The following DNAH1 variants were observed in gnomAD, a reference collection of about 807,000 sequenced individuals.
The protein encoded by DNAH1 is dynein axonemal heavy chain 1.
A neutral mutation model predicts 484.3 loss-of-function variants in DNAH1; 327 were observed. That is an observed-to-expected ratio of 0.68 (90% CI 0.62 to 0.74). The LOEUF is 0.74. Ranked by LOEUF, DNAH1 falls within the 30% of genes least tolerant of loss-of-function variation. The probability of loss-of-function intolerance (pLI) is 0.00; values close to 1 mark genes in which losing one functional copy is unlikely to be tolerated. For missense variants in DNAH1, 5,052 were observed against 5,546.8 expected (o/e 0.91, Z 2.83); for synonymous variants, 2,192 against 2,191.9 (o/e 1.00, Z 0.00).
intron 8 of DNAH1, among the ~76,000 whole-genome samples, chr3:52,342,317 G>A (rs910622668): frequency 1.3e-5 from 2 of 152,260 alleles, no homozygotes; most frequent in African/African-American, 4.8e-5. Flanking sequence ...GTGAGCAGAG[G>A]AGTGGCTTGA....
At position 52,385,880 on chromosome 3, in the gene DNAH1, G is replaced by A. The variant is rs186774372; in HGVS notation, c.8626-280G>A. ...GAAAGAAGCTAGAAGAAAGGCAGGA[G>A]GAGGGTCTTTCTCTGTCTTGCATGA... On this transcript the variant is annotated intron_variant, in intron 54 of 77. Coordinates refer to ENST00000420323, the MANE Select transcript of DNAH1 (RefSeq NM_015512.5). Among the ~76,000 whole-genome samples the A allele has an allele frequency of 3.7e-4, 56 of 152,384 alleles. 1 individual carries two copies. The East Asian group carries it at 0.01, about 27-fold the overall frequency.
chr3:52,346,730 G>T lies in DNAH1; in HGVS notation c.1915G>T (p.Asp639Tyr). The T allele has an allele frequency of 6.2e-7, 1 of 1,613,276 alleles. No homozygotes were observed. The highest frequency in any genetic ancestry group is 8.5e-7 in the Non-Finnish European group (1 of 1,179,306). ...TCCSVLNCTD[D>Y]MVWGDDLINS... ...TTGCAGCGTGCTCAACTGCACCGAT[G>T]ACATGGTCTGGGGTGACGACTTAAT... The change falls in exon 11 of 78, where the codon GAC becomes TAC. Residue 639 changes from aspartate to tyrosine, a missense_variant. Physicochemically the swap from Asp to Tyr is radical, Grantham distance 160 (BLOSUM62 -3). Coordinates refer to ENST00000420323, the MANE Select transcript of DNAH1 (RefSeq NM_015512.5).
intron 8 of DNAH1, among the ~76,000 whole-genome samples, chr3:52,338,938 G>T (rs1208631036): frequency 1.3e-5 from 2 of 151,656 alleles, no homozygotes; most frequent in Non-Finnish European, 1.5e-5. Flanking sequence ...GGAGGCTGAG[G>T]CAGGAGAATT....
intron 8 of DNAH1, among the ~76,000 whole-genome samples, chr3:52,338,788 G>C (rs1701823678): frequency 6.6e-6 from 1 of 151,986 alleles, no homozygotes. Context: ...CACTTTGGGA[G>C]GCTGAGGTGG....
Position 52,327,965 on chromosome 3 carries a change from A to G in DNAH1, c.822A>G (p.Lys274=), listed in dbSNP as rs960048495. 1.2e-6 allele frequency: 2 copies of G among 1,613,814 alleles called. No individual in the cohort carries two copies. The highest frequency in any genetic ancestry group is 8.5e-7 in the Non-Finnish European group (1 of 1,179,798). Residue 274 remains lysine, a synonymous_variant, in exon 6 of 78, where the codon AAA becomes AAG. Transcript: ENST00000420323. ...TGGAGCCAGGGTCTCTGGACAGGAA[A>G]CCTGTCCCGGGAAAAGCCCTCTTGC... ...MGLEPGSLDR[K]PVPGKALLPT...
rs1703542623 is a variant in DNAH1 at position 52,375,327 on chromosome 3, T to C, written c.7073T>C (p.Met2358Thr). ...GGRNTVTPRL[M>T]RHFNYLSFAE... ...AGGAACACCGTCACCCCGCGGCTGATGCGTCACTTCAACTACCTGTCTTTC... is the reference window on the plus strand; with the variant it reads ...AGGAACACCGTCACCCCGCGGCTGACGCGTCACTTCAACTACCTGTCTTTC... Residue 2358 changes from methionine (M) to threonine (T), a missense_variant, in exon 45 of 78, where the codon ATG (methionine) becomes ACG (threonine). Coordinates refer to ENST00000420323, the MANE Select transcript of DNAH1 (RefSeq NM_015512.5). 6.2e-7 allele frequency: 1 copy of C among 1,613,456 alleles called. No individual in the cohort carries two copies. Among genetic ancestry groups the C allele is most frequent in the South Asian group, 1.1e-5 (1 of 90,884 alleles).
Position 52,319,180 on chromosome 3 carries a change from G to A in DNAH1, c.-35+2635G>A, listed in dbSNP as rs755687. ...TAAATTGGCAATAATAGTAGTATCT[G>A]CTGTGAGGTTGGAATACCCCTATTC... On this transcript the variant is annotated intron_variant, in intron 1 of 77. Coordinates refer to ENST00000420323, the MANE Select transcript of DNAH1 (RefSeq NM_015512.5). 1.4e-3 allele frequency among the ~76,000 whole-genome samples: 220 copies of A among 152,328 alleles called. No individual in the cohort carries two copies. In the East Asian group the frequency reaches 0.017, roughly 12 times the overall value.
upstream of DNAH1, among the ~76,000 whole-genome samples, chr3:52,315,727 C>A (rs1445485173): frequency 3.3e-5 from 5 of 152,208 alleles, no homozygotes; most frequent in African/African-American, 4.8e-5. Flanking sequence ...CATGGCTCAG[C>A]CCCCTGCTCC....
chr3:52,396,373 C>T lies in DNAH1; in HGVS notation c.11265C>T (p.His3755=), dbSNP rs1449597389. ...LIEHINPDKV[H]RDFRLWLTSL... ...CGTGGAGCCATGGCCACCAGGTACA[C>T]AGGGACTTCCGCCTCTGGCTCACCA... Residue 3755 remains histidine (H), a synonymous_variant, in exon 71 of 78, where the codon CAC becomes CAT. Transcript: ENST00000420323. 1.3e-6 allele frequency: 2 copies of T among 1,574,694 alleles called. No individual in the cohort carries two copies. The highest frequency in any genetic ancestry group is 1.7e-6 in the Non-Finnish European group (2 of 1,160,956).
chr3:52,331,112 CG>C, intron 6 of DNAH1, 35 bp from the exon 7 acceptor site: 1 of 1,555,856 alleles, frequency 6.4e-7, no homozygotes, highest in East Asian at 2.4e-5. Flanking sequence ...GCCCCCATGG[CG>C]GGGGGCACTG....
Position 52,366,915 on chromosome 3 carries a change from A to T in DNAH1, c.5765+28A>T, listed in dbSNP as rs1279071507. On this transcript the variant is annotated intron_variant, in intron 36 of 77. Transcript: ENST00000420323. ...GAGTGACCCCCCAGCCTCACCGGTG[A>T]CCCCCTGCTCCCAGACCTCTGGAGG... 4 of 1,585,800 alleles carry T rather than the reference A, an allele frequency of 2.5e-6. No homozygotes were observed. The African/African-American group carries it at 5.4e-5, about 21-fold the overall frequency.
At chr3:52,318,517 A>G (rs1559481780) in intron 1 of DNAH1, among the ~76,000 whole-genome samples, 2 of 152,154 alleles carry the variant, frequency 1.3e-5, no homozygotes, top group Admixed American at 6.5e-5. Context: ...CACCTTGCCC[A>G]TCCATTAGTT....
upstream of DNAH1, among the ~76,000 whole-genome samples, chr3:52,311,469 T>C (rs699467): frequency 1 from 151,617 of 152,270 alleles, 75,489 homozygotes; most frequent in Middle Eastern, 1. Context: ...TGAGACAGTT[T>C]ACTCTGGGGC....
intron 6 of DNAH1, among the ~76,000 whole-genome samples, chr3:52,328,933 G>A (rs2153223134): frequency 6.6e-6 from 1 of 152,374 alleles, no homozygotes; most frequent in South Asian, 2.1e-4. Flanking sequence ...GCAGGGTTGT[G>A]ATAGCCATGA....
In DNAH1 at chr3:52,395,123, C is replaced by G; in HGVS notation, c.10968+64C>G. On this transcript the variant is annotated intron_variant, in intron 68 of 77. Transcript: ENST00000420323. This position sits in a 1 kb window ranked among gnomAD's most constrained non-coding sequence, Gnocchi z 4.4. ...TTGTCCCCACCCTGGGTCCCAGGGC[C>G]CTGGCTGCATCTGGATAGACTACTT... 1 of 1,552,776 alleles carries G rather than the reference C, an allele frequency of 6.4e-7. No homozygotes were observed. Among genetic ancestry groups the G allele is most frequent in the Non-Finnish European group, 8.7e-7 (1 of 1,146,688 alleles).
In DNAH1 at chr3:52,388,558, G is replaced by C; in HGVS notation, c.9312G>C (p.Glu3104Asp). 6.2e-7 allele frequency: 1 copy of C among 1,612,964 alleles called. No individual in the cohort carries two copies. Among genetic ancestry groups the C allele is most frequent in the South Asian group, 1.1e-5 (1 of 90,938 alleles). Reference protein sequence around the residue: ...KYRECITKKEELELKCEQCEQ... With the variant: ...KYRECITKKEDLELKCEQCEQ... ...GGGAATGCATTACCAAGAAGGAGGAGCTGGAGCTGAAGTGTGAGCAGTGTG... is the reference window on the plus strand; with the variant it reads ...GGGAATGCATTACCAAGAAGGAGGACCTGGAGCTGAAGTGTGAGCAGTGTG... The change falls in exon 58 of 78, where the codon GAG becomes GAC. Residue 3104 changes from glutamate to aspartate, a missense_variant. Glu to Asp is a conservative substitution (Grantham distance 45). Around this residue, in one of 4 missense-constraint regions of DNAH1, gnomAD observed 2,929 missense variants for 3,409.4 expected, o/e 0.86. Coordinates refer to ENST00000420323, the MANE Select transcript of DNAH1 (RefSeq NM_015512.5).
upstream of DNAH1, among the ~76,000 whole-genome samples, chr3:52,313,709 T>C (rs755418159): frequency 9.2e-5 from 14 of 152,154 alleles, no homozygotes; most frequent in Non-Finnish European, 1.5e-5. Context: ...GAACAAACCC[T>C]TCCTTACTGA....
intron 10 of DNAH1, 115 bp from the exon 11 acceptor site, chr3:52,346,357 A>T: frequency 9.0e-7 from 1 of 1,112,930 alleles, no homozygotes; most frequent in Non-Finnish European, 1.3e-6. Context: ...ACATCCCTCC[A>T]CAGTCAGATG....
chr3:52,383,939 G>A lies in DNAH1; in HGVS notation c.8230G>A (p.Glu2744Lys), dbSNP rs761944371. 11 of 1,613,310 alleles carry A rather than the reference G, an allele frequency of 6.8e-6. No individual in the cohort carries two copies. The highest frequency in any genetic ancestry group is 5.0e-5 in the Admixed American group (3 of 59,910). Residue 2744 changes from glutamate to lysine, a missense_variant, in exon 52 of 78, where the codon GAG (glutamate) becomes AAG (lysine). Transcript: ENST00000420323. ...CTGCTGTACCATCGACTGGTTTAAC[G>A]AGTGGCCGGCAGAAGCCCTGAAGTC... ...VNCCTIDWFN[E>K]WPAEALKSVA...
Sources: allele counts gnomAD v4.1 joint callset (sites outside exome capture counted in the v4.1 genomes callset), GRCh38; gene constraint gnomAD v4.1.1; regional missense constraint gnomAD v4.1.1; non-coding constraint Gnocchi (gnomAD v3.1); transcripts MANE v1.5; gene names NCBI Gene and HGNC (gene_info 2026-07-23, HGNC 2026-07-21).